Variants in ASIC2 observed in about 807,000 individuals in gnomAD.
The protein encoded by ASIC2 is acid-sensing ion channel 2.
In ASIC2, 25 loss-of-function variants were observed where a neutral mutation model predicts 57.3. The ratio of observed to expected loss-of-function variants is 0.44; its 90% CI spans 0.32 to 0.61. The LOEUF (loss-of-function observed/expected upper bound fraction) is 0.61. ASIC2 is among the 20% of genes least tolerant of loss of function. The pLI, the probability that ASIC2 is intolerant of heterozygous loss-of-function variation, is 0.06. For synonymous variants in ASIC2, 319 were observed against 307.5 expected (o/e 1.04, Z -0.39); for missense variants, 641 against 738.1 (o/e 0.87, Z 1.52).
At chr17:33,113,925 T>C (rs572402583) in intron 1 of ASIC2, among the ~76,000 whole-genome samples, 7 of 152,354 alleles carry the variant, frequency 4.6e-5, no homozygotes, top group African/African-American at 9.6e-5. Flanking sequence ...GTTTTCGTCA[T>C]TGGGACACTT....
At chr17:33,125,283 T>C (rs145968639) in intron 1 of ASIC2, among the ~76,000 whole-genome samples, 22 of 152,370 alleles carry the variant, frequency 1.4e-4, no homozygotes, top group Middle Eastern at 6.8e-3. Flanking sequence ...CCCTGTACCA[T>C]AGAAGAGAGA....
intron 3 of ASIC2, among the ~76,000 whole-genome samples, chr17:33,049,838 G>C (rs908770791): frequency 1.3e-5 from 2 of 152,120 alleles, no homozygotes; most frequent in African/African-American, 4.8e-5. Context: ...CTCTTCCCCA[G>C]GACTGCACCA....
In ASIC2 at chr17:33,811,638, C is replaced by T. The variant is rs551706484; in HGVS notation, c.555+344340G>A. 9.8e-5 allele frequency among the ~76,000 whole-genome samples: 15 copies of T among 152,286 alleles called. No individual in the cohort carries two copies. In the East Asian group the frequency reaches 2.5e-3, roughly 25 times the overall value. On this transcript the variant is annotated intron_variant, in intron 1 of 9. Transcript: ENST00000359872. ...ATTAGGTCTTGGAATTCTCAACCAA[C>T]CAGGGAGGGTCTGCTCTTACATTGG...
At chr17:33,925,781 G>T (rs1261795442) in intron 1 of ASIC2, among the ~76,000 whole-genome samples, 2 of 152,184 alleles carry the variant, frequency 1.3e-5, no homozygotes, top group African/African-American at 4.8e-5. Flanking sequence ...CCCATGGTAT[G>T]GAGGCTGCAA....
chr17:33,593,905 A>C (rs970691710), intron 1 of ASIC2, among the ~76,000 whole-genome samples: 1 of 152,188 alleles, frequency 6.6e-6, no homozygotes, highest in Non-Finnish European at 1.5e-5. Flanking sequence ...CCCATTCCCT[A>C]GGCCTGCTAA....
chr17:33,845,638 G>A (rs529073806), intron 1 of ASIC2, among the ~76,000 whole-genome samples: 17 of 152,158 alleles, frequency 1.1e-4, no homozygotes, highest in Non-Finnish European at 1.8e-4. Context: ...TGGAATAATC[G>A]TATTTTGAAT....
At chr17:33,620,257 A>C (rs943191243) in intron 1 of ASIC2, among the ~76,000 whole-genome samples, 2 of 151,922 alleles carry the variant, frequency 1.3e-5, no homozygotes, top group African/African-American at 2.4e-5. Context: ...AAAAAAAAAA[A>C]AAAACACGTC....
Position 34,155,848 on chromosome 17 carries a change from T to C in ASIC2, c.555+130A>G, listed in dbSNP as rs1234140414. On this transcript the variant is annotated intron_variant, in intron 1 of 9. Coordinates refer to the ASIC2 transcript ENST00000359872. ...GCACAACTCTGACCAACTACCCTCG[T>C]GGCCTTCAGGTGAGGCACTGCTCTC... 1.6e-5 allele frequency: 16 copies of C among 1,031,410 alleles called. No homozygotes were observed. In the Admixed American group the frequency reaches 4.5e-4, roughly 29 times the overall value. The allele number at this position is 1,031,410 out of a possible 1,614,324, so 63.9% of individuals were successfully genotyped here.
At chr17:33,053,949 C>T (rs2091987880) in intron 3 of ASIC2, among the ~76,000 whole-genome samples, 1 of 152,120 alleles carries the variant, frequency 6.6e-6, no homozygotes, top group Non-Finnish European at 1.5e-5. Flanking sequence ...AATACTTAGC[C>T]ATCTAACACT....
chr17:33,130,087 G>A (rs2092339358), intron 1 of ASIC2, among the ~76,000 whole-genome samples: 1 of 152,128 alleles, frequency 6.6e-6, no homozygotes, highest in Non-Finnish European at 1.5e-5. Flanking sequence ...GTAAAACCCC[G>A]TGTCTCATCT....
chr17:34,100,272 T>C (rs990766678), intron 1 of ASIC2, among the ~76,000 whole-genome samples: 4 of 151,318 alleles, frequency 2.6e-5, no homozygotes, highest in Non-Finnish European at 4.4e-5. Flanking sequence ...TATAATAACA[T>C]GTCAGGGAGG....
intron 1 of ASIC2, among the ~76,000 whole-genome samples, chr17:33,601,073 A>G (rs1905105997): frequency 6.6e-6 from 1 of 152,166 alleles, no homozygotes; most frequent in Non-Finnish European, 1.5e-5. Flanking sequence ...AAAATGAGAG[A>G]AGAGAGAAAT....
At chr17:33,827,352 G>C (rs1292233026) in intron 1 of ASIC2, among the ~76,000 whole-genome samples, 1 of 8,206 alleles carries the variant, frequency 1.2e-4, no homozygotes, top group East Asian at 1.0e-3. Context: ...TTTTTTTTGA[G>C]ACAGAGTCTT....
intron 1 of ASIC2, among the ~76,000 whole-genome samples, chr17:33,222,519 C>A (rs1907722844): frequency 6.6e-6 from 1 of 152,170 alleles, no homozygotes; most frequent in South Asian, 2.1e-4. Flanking sequence ...TATGTTACTA[C>A]AAAACATTGA....
chr17:33,415,641 A>G (rs74322276), intron 1 of ASIC2, among the ~76,000 whole-genome samples: 5,471 of 152,188 alleles, frequency 0.036, 125 homozygotes, highest in Non-Finnish European at 0.053. Flanking sequence ...GGGGCCTCAT[A>G]TTACACACTG....
At chr17:34,043,573 A>G (rs1908220259) in intron 1 of ASIC2, among the ~76,000 whole-genome samples, 2 of 152,248 alleles carry the variant, frequency 1.3e-5, no homozygotes, top group Admixed American at 1.3e-4. Context: ...TATAGTTTGC[A>G]TGGTCACAAT....
At chr17:33,563,516 T>G (rs950488859) in intron 1 of ASIC2, among the ~76,000 whole-genome samples, 6 of 152,192 alleles carry the variant, frequency 3.9e-5, no homozygotes, top group Non-Finnish European at 8.8e-5. Flanking sequence ...GGAGCATTTT[T>G]CACTAAATGC....
At chr17:33,028,594 C>G (rs1379722681) in intron 3 of ASIC2, among the ~76,000 whole-genome samples, 2 of 152,072 alleles carry the variant, frequency 1.3e-5, no homozygotes, top group African/African-American at 4.8e-5. Flanking sequence ...ACTATGTTGC[C>G]CAGGCTGGTT....
At chr17:33,848,672 C>A (rs761788565) in intron 1 of ASIC2, among the ~76,000 whole-genome samples, 103 of 152,156 alleles carry the variant, frequency 6.8e-4, no homozygotes, top group Non-Finnish European at 7.2e-4. Context: ...TAATTCCCTG[C>A]TCCCCAAGGC....
Sources: allele counts gnomAD v4.1 joint callset (sites outside exome capture counted in the v4.1 genomes callset), GRCh38; gene constraint gnomAD v4.1.1; transcripts MANE v1.5; gene names NCBI Gene and HGNC (gene_info 2026-07-23, HGNC 2026-07-21).